Variants in FSTL4 observed in about 807,000 individuals in gnomAD.
The protein encoded by FSTL4 is follistatin like 4.
In FSTL4, 28 loss-of-function variants were observed where a neutral mutation model predicts 78.2. The ratio of observed to expected loss-of-function variants is 0.36; its 90% confidence interval spans 0.27 to 0.49. The LOEUF is 0.49. FSTL4 is among the 20% of genes least tolerant of loss of function. The pLI is 0.98. For missense variants in FSTL4, 922 were observed against 1,084.9 expected (o/e 0.85, Z 2.11); for synonymous variants, 422 against 440.5 (o/e 0.96, Z 0.53).
At chr5:133,667,910 A>G in the FSTL4 span, among the ~76,000 whole-genome samples, 1 of 152,246 alleles carries the variant, frequency 6.6e-6, no homozygotes, top group Non-Finnish European at 1.5e-5. Flanking sequence ...GACAATAAAC[A>G]TTCGTTGAAT....
At chr5:133,550,848 T>C (rs1440199228) in intron 3 of FSTL4, among the ~76,000 whole-genome samples, 1 of 152,214 alleles carries the variant, frequency 6.6e-6, no homozygotes, top group Non-Finnish European at 1.5e-5. Context: ...CTGGAAATGT[T>C]ATAGAAAGCC....
chr5:133,392,954 T>C (rs915066505), intron 4 of FSTL4, among the ~76,000 whole-genome samples: 3 of 152,232 alleles, frequency 2.0e-5, no homozygotes, highest in Non-Finnish European at 2.9e-5. Flanking sequence ...ACACCACACA[T>C]GCCGAACTGA....
At chr5:133,407,912 A>G (rs1756398064) in intron 3 of FSTL4, among the ~76,000 whole-genome samples, 1 of 152,210 alleles carries the variant, frequency 6.6e-6, no homozygotes, top group African/African-American at 2.4e-5. Flanking sequence ...CACAGTGCAG[A>G]CGCTGATTCA....
At chr5:133,477,836 A>T (rs1561732813) in intron 3 of FSTL4, among the ~76,000 whole-genome samples, 1 of 152,232 alleles carries the variant, frequency 6.6e-6, no homozygotes, top group Non-Finnish European at 1.5e-5. Flanking sequence ...GAATTCAGAC[A>T]GAAATTTGCC....
chr5:133,292,084 G>A (rs1357367757), intron 6 of FSTL4, among the ~76,000 whole-genome samples: 1 of 152,182 alleles, frequency 6.6e-6, no homozygotes, highest in Non-Finnish European at 1.5e-5. Flanking sequence ...ATGGAGGATC[G>A]CAGAGAGAGG....
chr5:133,651,978 T>C, the FSTL4 span, among the ~76,000 whole-genome samples: 28 of 152,164 alleles, frequency 1.8e-4, no homozygotes, highest in Non-Finnish European at 4.1e-4. Flanking sequence ...TGTGTGAGTT[T>C]TGGCAAATTG....
the FSTL4 span, among the ~76,000 whole-genome samples, chr5:133,734,566 C>T: frequency 2.0e-5 from 3 of 152,298 alleles, no homozygotes; most frequent in Non-Finnish European, 2.9e-5. Flanking sequence ...GACAGGCACA[C>T]GATGGGGAGT....
chr5:133,807,538 G>A, the FSTL4 span, among the ~76,000 whole-genome samples: 8 of 152,196 alleles, frequency 5.3e-5, no homozygotes, highest in Non-Finnish European at 1.2e-4. Context: ...CTGTCATGCT[G>A]CTCTCCCTTG....
chr5:133,593,715 T>C (rs2112969529), intron 2 of FSTL4, among the ~76,000 whole-genome samples: 1 of 152,346 alleles, frequency 6.6e-6, no homozygotes, highest in African/African-American at 2.4e-5. Flanking sequence ...GATGTACTTC[T>C]TTCTAATAAA....
chr5:133,413,111 G>A (rs1238406800), intron 3 of FSTL4, among the ~76,000 whole-genome samples: 1 of 151,868 alleles, frequency 6.6e-6, no homozygotes, highest in African/African-American at 2.4e-5. Flanking sequence ...ATTTTAAAAT[G>A]TATAATTAAG....
chr5:133,201,810 C>G, intron 15 of FSTL4, 123 bp downstream of exon 15: 1 of 595,722 alleles, frequency 1.7e-6, no homozygotes, highest in Non-Finnish European at 3.1e-6. Context: ...GTGATGGGGT[C>G]CAAATCCAGC....
rs1760570428 is a variant in FSTL4 at position 133,589,286 on chromosome 5, T to TAAATAAAAAAAA, written c.126+14571_126+14572insTTTTTTTTATTT. Among the ~76,000 whole-genome samples, 2 of 80,380 alleles carry TAAATAAAAAAAA rather than the reference T, an allele frequency of 2.5e-5. 1 individual carries two copies. Among genetic ancestry groups the TAAATAAAAAAAA allele is most frequent in the Non-Finnish European group, 5.4e-5 (2 of 37,196 alleles). 52.7% of individuals were successfully genotyped at this position (80,380 alleles called of 152,430 possible). A position where few individuals can be genotyped will look rare whatever the true frequency, so the allele number is the denominator to read the frequency against. ...ATGTACCCTAAAACTTAGAGTATAA[T>TAAATAAAAAAAA]AAAAAAAAAAAAAAAGATCAAGGCC... On this transcript the variant is annotated intron_variant, in intron 2 of 15. Transcript: ENST00000265342.
chr5:133,396,923 G>A (rs879710982), intron 4 of FSTL4, among the ~76,000 whole-genome samples: 1 of 152,198 alleles, frequency 6.6e-6, no homozygotes, highest in Admixed American at 6.5e-5. Context: ...CCCCTCTGAA[G>A]CACCCAAATC....
chr5:133,829,171 C>G, the FSTL4 span, among the ~76,000 whole-genome samples: 596 of 152,246 alleles, frequency 3.9e-3, 2 homozygotes, highest in Non-Finnish European at 6.3e-3. Context: ...GGGAGGATCA[C>G]CTGAGGTCAG....
Position 133,255,839 on chromosome 5 carries a change from G to T in FSTL4, c.728-6263C>A, listed in dbSNP as rs6874556. Among the ~76,000 whole-genome samples the T allele has an allele frequency of 2.7e-3, 416 of 152,110 alleles. 3 individuals are homozygous for T. The highest frequency in any genetic ancestry group is 2.9e-3 in the Non-Finnish European group (196 of 67,986). On this transcript the variant is annotated intron_variant, in intron 6 of 15. Coordinates refer to ENST00000265342, the MANE Select transcript of FSTL4 (RefSeq NM_015082.2). ...TAACATTTCAGTTGTTGGAGAACTG[G>T]GTTTTAGTTCCTATTACAGGTTTCC...
chr5:133,302,461 A>G (rs1753566020), intron 6 of FSTL4, among the ~76,000 whole-genome samples: 1 of 152,204 alleles, frequency 6.6e-6, no homozygotes, highest in Non-Finnish European at 1.5e-5. Context: ...TGCAGGGCAC[A>G]TTTTAATCCC....
At chr5:133,738,403 T>C in the FSTL4 span, among the ~76,000 whole-genome samples, 1 of 152,182 alleles carries the variant, frequency 6.6e-6, no homozygotes, top group Admixed American at 6.5e-5. Context: ...GTCTGAGCCT[T>C]TTCCCTCTCC....
chr5:133,498,830 C>T (rs1006242666), intron 3 of FSTL4, among the ~76,000 whole-genome samples: 2 of 151,988 alleles, frequency 1.3e-5, no homozygotes, highest in Non-Finnish European at 2.9e-5. Flanking sequence ...TCCACACCAA[C>T]TCACTCACTT....
At chr5:133,502,815 T>A (rs911709591) in intron 3 of FSTL4, among the ~76,000 whole-genome samples, 1 of 152,178 alleles carries the variant, frequency 6.6e-6, no homozygotes, top group Non-Finnish European at 1.5e-5. Context: ...TATAAATTAC[T>A]CAGTCTCAGG....
Sources: allele counts gnomAD v4.1 joint callset (sites outside exome capture counted in the v4.1 genomes callset), GRCh38; gene constraint gnomAD v4.1.1; transcripts MANE v1.5; gene names NCBI Gene and HGNC (gene_info 2026-07-23, HGNC 2026-07-21).